Variants in GSE1 observed in about 807,000 individuals in gnomAD.
GSE1 encodes the protein genetic suppressor element 1.
Under a neutral mutation model 112.6 loss-of-function variants are expected in GSE1, and 32 were observed. The observed-to-expected ratio is 0.28, with a 90% CI of 0.21 to 0.38. GSE1 has a LOEUF of 0.38. GSE1 is among the 10% of genes least tolerant of loss of function. The pLI is 1.00. For missense variants in GSE1, 2,348 were observed against 1,699.2 expected, an observed-to-expected ratio of 1.38 and a Z score of -6.71; for synonymous variants, 1,115 against 735.6, an observed-to-expected ratio of 1.52 and a Z score of -8.35.
chr16:85,424,787 C>G (rs899723288), intron 2 of GSE1, among the ~76,000 whole-genome samples: 1 of 152,288 alleles, frequency 6.6e-6, no homozygotes, highest in African/African-American at 2.4e-5. Context: ...TCACCACCCC[C>G]TCTGCGTGGC....
At chr16:85,250,439 G>A (rs150327601) in intron 1 of GSE1, among the ~76,000 whole-genome samples, 190 of 152,212 alleles carry the variant, frequency 1.2e-3, no homozygotes, top group African/African-American at 4.4e-3. Context: ...TGGCTGGTGA[G>A]CCCAGCTGGG....
intron 2 of GSE1, among the ~76,000 whole-genome samples, chr16:85,538,637 C>T (rs1488034234): frequency 1.3e-5 from 2 of 152,102 alleles, no homozygotes; most frequent in Non-Finnish European, 2.9e-5. Context: ...TGGGGACTTG[C>T]CACCTTCGGA....
intron 15 of GSE1, among the ~76,000 whole-genome samples, 198 bp downstream of exon 15, chr16:85,671,296 C>T (rs568534293): frequency 3.6e-4 from 55 of 151,782 alleles, no homozygotes; most frequent in African/African-American, 7.5e-4. Context: ...AAAAATTAGC[C>T]GGGCGTAGTG....
intron 1 of GSE1, among the ~76,000 whole-genome samples, chr16:85,177,478 C>G (rs2074490993): frequency 6.6e-6 from 1 of 152,308 alleles, no homozygotes; most frequent in South Asian, 2.1e-4. Flanking sequence ...GTGGGACACT[C>G]TTGGGGTCAG....
intron 1 of GSE1, among the ~76,000 whole-genome samples, chr16:85,597,339 A>C (rs1189755847): frequency 1.5e-5 from 2 of 134,948 alleles, no homozygotes; most frequent in African/African-American, 2.9e-5. Context: ...GTCCCACTGC[A>C]CTCCAGCCTG....
chr16:85,414,675 C>G (rs1164622407), intron 2 of GSE1, among the ~76,000 whole-genome samples: 1 of 152,196 alleles, frequency 6.6e-6, no homozygotes, highest in Non-Finnish European at 1.5e-5. Flanking sequence ...TGCTCTGTCA[C>G]CCAGGCTGCA....
intron 2 of GSE1, among the ~76,000 whole-genome samples, chr16:85,429,434 G>A (rs770045523): frequency 6.6e-6 from 1 of 152,206 alleles, no homozygotes; most frequent in Non-Finnish European, 1.5e-5. Flanking sequence ...AACCAAGGAC[G>A]GGGGCTCTGG....
chr16:85,207,173 G>A (rs2075132987), intron 1 of GSE1, among the ~76,000 whole-genome samples: 1 of 152,280 alleles, frequency 6.6e-6, no homozygotes, highest in African/African-American at 2.4e-5. Context: ...GCAGAATGTG[G>A]AGCCGAATCT....
chr16:85,564,238 G>T (rs1400375148), intron 1 of GSE1, among the ~76,000 whole-genome samples: 1 of 152,222 alleles, frequency 6.6e-6, no homozygotes, highest in Admixed American at 6.5e-5. Flanking sequence ...GAGCTTCGAG[G>T]TGAGTGAGGC....
chr16:85,567,717 G>A (rs368617747), intron 1 of GSE1, among the ~76,000 whole-genome samples: 8 of 152,196 alleles, frequency 5.3e-5, no homozygotes, highest in East Asian at 3.9e-4. Context: ...AGGGGAGTTA[G>A]GCTTCATCTC....
chr16:85,524,373 A>G (rs7500151), intron 2 of GSE1, among the ~76,000 whole-genome samples: 105,641 of 151,712 alleles, frequency 0.7, 37,826 homozygotes, highest in African/African-American at 0.87. Context: ...GCCTCTGTCT[A>G]CTTATCTAGT....
At chr16:85,429,248 C>T (rs1002514090) in intron 2 of GSE1, among the ~76,000 whole-genome samples, 3 of 152,204 alleles carry the variant, frequency 2.0e-5, no homozygotes, top group African/African-American at 4.8e-5. Flanking sequence ...CCAGGATGCC[C>T]GGCAATGCCA....
At chr16:85,351,467 G>C (rs2046848873) in intron 1 of GSE1, among the ~76,000 whole-genome samples, 1 of 152,218 alleles carries the variant, frequency 6.6e-6, no homozygotes, top group South Asian at 2.1e-4. Context: ...TCTAGAAGAG[G>C]CCAGTCCACG....
chr16:85,613,107 C>G (rs1431009781), upstream of GSE1: 7 of 971,310 alleles, frequency 7.2e-6, no homozygotes, highest in East Asian at 3.5e-5. Flanking sequence ...GGTGCGCGCG[C>G]GCGCGCCTGT....
At chr16:85,236,690 G>T (rs1904700275) in intron 1 of GSE1, among the ~76,000 whole-genome samples, 2 of 152,186 alleles carry the variant, frequency 1.3e-5, no homozygotes, top group Admixed American at 6.5e-5. Context: ...GCCATTGAAG[G>T]TTCCTGAGCA....
intron 2 of GSE1, among the ~76,000 whole-genome samples, chr16:85,407,993 T>G: frequency 2.0e-5 from 1 of 51,208 alleles, no homozygotes; most frequent in Non-Finnish European, 4.0e-5. Context: ...ACTGTTACAC[T>G]CAGGGCCCCC....
At chr16:85,524,752 G>T (rs879853726) in intron 2 of GSE1, among the ~76,000 whole-genome samples, 6 of 152,116 alleles carry the variant, frequency 3.9e-5, no homozygotes, top group African/African-American at 1.2e-4. Context: ...CCCCCGAGGG[G>T]CATCTGATGG....
chr16:85,561,895 C>T (rs976272698), intron 1 of GSE1, among the ~76,000 whole-genome samples: 3 of 152,224 alleles, frequency 2.0e-5, no homozygotes, highest in African/African-American at 7.2e-5. Context: ...GGCAGGGGCT[C>T]AGGCCCACCT....
At chr16:85,409,279 TC>T (rs1397805603) in intron 2 of GSE1, among the ~76,000 whole-genome samples, 4 of 21,450 alleles carry the variant, frequency 1.9e-4, no homozygotes, top group Non-Finnish European at 3.3e-4. Flanking sequence ...TCAGGGTCCC[TC>T]TGATAATCCT....
Sources: allele counts gnomAD v4.1 joint callset (sites outside exome capture counted in the v4.1 genomes callset), GRCh38; gene constraint gnomAD v4.1.1; transcripts MANE v1.5; gene names NCBI Gene and HGNC (gene_info 2026-07-23, HGNC 2026-07-21).